ASCC1: variants seen among roughly 807,000 people sequenced by gnomAD.
ASCC1 encodes activating signal cointegrator 1 complex subunit 1.
In ASCC1, 35 loss-of-function variants were observed where a neutral mutation model predicts 46.6. That is an observed-to-expected ratio of 0.75 (90% confidence interval 0.57 to 0.99). The LOEUF (loss-of-function observed/expected upper bound fraction) is 0.99, where lower values mean the gene tolerates loss of function less well. Among genes scored for constraint, ASCC1 ranks in the 50% least tolerant of loss-of-function variants. ASCC1 has a pLI of 0.00. For synonymous variants in ASCC1, 143 were observed against 146.6 expected (o/e 0.98, Z 0.18); for missense variants, 376 against 428.7 (o/e 0.88, Z 1.09).
chr10:72,190,622 C>A (rs1455366305), intron 5 of ASCC1: 3 of 919,360 alleles, frequency 3.3e-6, no homozygotes, highest in African/African-American at 1.7e-5. Context: ...CAATTTAAGA[C>A]AGTCATGTGT....
At chr10:72,200,661 T>A (rs1174666288) in intron 4 of ASCC1, among the ~76,000 whole-genome samples, 1 of 134,356 alleles carries the variant, frequency 7.4e-6, no homozygotes, top group Non-Finnish European at 1.5e-5. Flanking sequence ...CGAAACTCCA[T>A]CTCAAAAAAA....
chr10:72,160,579 G>A (rs1430890892), intron 6 of ASCC1, among the ~76,000 whole-genome samples: 1 of 151,932 alleles, frequency 6.6e-6, no homozygotes, highest in Non-Finnish European at 1.5e-5. Flanking sequence ...TTTCTGAACT[G>A]GCTGGAGATG....
At chr10:72,115,452 G>A (rs1253692692) in intron 9 of ASCC1, among the ~76,000 whole-genome samples, 2 of 152,164 alleles carry the variant, frequency 1.3e-5, no homozygotes, top group Admixed American at 1.3e-4. Flanking sequence ...TTTGAATACA[G>A]GGAGACTGTA....
intron 9 of ASCC1, among the ~76,000 whole-genome samples, chr10:72,101,011 G>C (rs1351079069): frequency 6.6e-6 from 1 of 152,182 alleles, no homozygotes; most frequent in African/African-American, 2.4e-5. Context: ...AAATCAAGGA[G>C]GCGGGGGACA....
intron 8 of ASCC1, among the ~76,000 whole-genome samples, chr10:72,128,855 T>C (rs1044832196): frequency 7.9e-5 from 12 of 152,168 alleles, no homozygotes; most frequent in African/African-American, 2.9e-4. Context: ...AAATGTAACA[T>C]CATTTCATGT....
intron 5 of ASCC1, among the ~76,000 whole-genome samples, chr10:72,195,318 G>C (rs1855239473): frequency 6.6e-6 from 1 of 151,130 alleles, no homozygotes; most frequent in South Asian, 2.1e-4. Context: ...GATAATTTTT[G>C]TATTTTTTGT....
intron 5 of ASCC1, among the ~76,000 whole-genome samples, chr10:72,184,186 A>G (rs1853092880): frequency 6.6e-6 from 1 of 151,824 alleles, no homozygotes; most frequent in African/African-American, 2.4e-5. Context: ...CAAAAAAAAA[A>G]GCGGTACAAA....
At chr10:72,139,392 G>T (rs1407933227) in intron 7 of ASCC1, among the ~76,000 whole-genome samples, 3 of 152,188 alleles carry the variant, frequency 2.0e-5, no homozygotes, top group Admixed American at 2.0e-4. Context: ...TGGGATTACA[G>T]GTGTGAGCCA....
At chr10:72,169,853 C>T (rs1850834410) in intron 5 of ASCC1, among the ~76,000 whole-genome samples, 2 of 152,202 alleles carry the variant, frequency 1.3e-5, no homozygotes, top group Admixed American at 1.3e-4. Context: ...GGCGTGGTGG[C>T]TCACGCCTGT....
At chr10:72,118,249 C>T (rs889221834) in intron 9 of ASCC1, among the ~76,000 whole-genome samples, 5 of 151,888 alleles carry the variant, frequency 3.3e-5, no homozygotes, top group Non-Finnish European at 7.4e-5. Flanking sequence ...CGCGTATAGT[C>T]CCAGCTACTT....
intron 6 of ASCC1, among the ~76,000 whole-genome samples, chr10:72,161,032 G>C (rs928341344): frequency 6.6e-6 from 1 of 151,868 alleles, no homozygotes; most frequent in Non-Finnish European, 1.5e-5. Flanking sequence ...GCAGTGAGCC[G>C]AGATTGCGCC....
At chr10:72,164,310 C>T (rs1180399047) in intron 5 of ASCC1, among the ~76,000 whole-genome samples, 1 of 152,116 alleles carries the variant, frequency 6.6e-6, no homozygotes, top group Non-Finnish European at 1.5e-5. Flanking sequence ...CATGCCCCAT[C>T]CCCTAGTGAC....
At chr10:72,155,637 T>C (rs531530920) in intron 6 of ASCC1, among the ~76,000 whole-genome samples, 33 of 152,350 alleles carry the variant, frequency 2.2e-4, no homozygotes, top group African/African-American at 7.7e-4. Flanking sequence ...TACAAAATGA[T>C]ATTTTATTTT....
chr10:72,107,407 T>C (rs1041905718), intron 9 of ASCC1, among the ~76,000 whole-genome samples: 22 of 151,892 alleles, frequency 1.4e-4, no homozygotes, highest in African/African-American at 5.3e-4. Context: ...CGTGCATTTG[T>C]CTTCTGGGCC....
chr10:72,106,425 G>A (rs576505139), intron 9 of ASCC1, among the ~76,000 whole-genome samples: 4 of 152,208 alleles, frequency 2.6e-5, no homozygotes, highest in Non-Finnish European at 5.9e-5. Context: ...GAAACTCAAA[G>A]CAGAGTGAAT....
At chr10:72,143,870 T>G (rs1463472489) in intron 7 of ASCC1, among the ~76,000 whole-genome samples, 2 of 151,992 alleles carry the variant, frequency 1.3e-5, no homozygotes. Context: ...AAATTTCACT[T>G]AATCTACTTT....
Position 72,097,120 on chromosome 10 carries a change from G to A in ASCC1, c.*214C>T, listed in dbSNP as rs1589135868. On this transcript the variant is annotated 3_prime_UTR_variant, in exon 10 of 10. Transcript: ENST00000672957. ...AGAAAAAAAACCAGAACACACTAAGGGTTATAGGCACAAATTCTCCTTATG... is the reference window on the plus strand; with the variant it reads ...AGAAAAAAAACCAGAACACACTAAGAGTTATAGGCACAAATTCTCCTTATG... 1.6e-6 allele frequency: 1 copy of A among 630,294 alleles called. No individual in the cohort carries two copies. The highest frequency in any genetic ancestry group is 3.0e-6 in the Non-Finnish European group (1 of 336,858). 39.0% of individuals were successfully genotyped at this position (630,294 alleles called of 1,614,324 possible).
intron 5 of ASCC1, among the ~76,000 whole-genome samples, chr10:72,194,493 T>C (rs991407921): frequency 1.4e-4 from 21 of 151,998 alleles, no homozygotes; most frequent in African/African-American, 4.3e-4. Flanking sequence ...TGGATGTCTA[T>C]ACATGTTGAA....
chr10:72,213,654 T>C (rs1461250262), intron 1 of ASCC1, among the ~76,000 whole-genome samples: 2 of 147,958 alleles, frequency 1.4e-5, no homozygotes, highest in African/African-American at 2.5e-5. Flanking sequence ...ACATCTGTAA[T>C]CCCAGCACTT....
Sources: allele counts gnomAD v4.1 joint callset (sites outside exome capture counted in the v4.1 genomes callset), GRCh38; gene constraint gnomAD v4.1.1; transcripts MANE v1.5; gene names NCBI Gene and HGNC (gene_info 2026-07-23, HGNC 2026-07-21).